Variants in SPON1 observed in about 807,000 individuals in gnomAD.
The protein encoded by SPON1 is spondin 1, also known as spondin-1.
In SPON1, 52 loss-of-function variants were observed where a neutral mutation model predicts 111.7. The ratio of observed to expected loss-of-function variants is 0.47; its 90% CI spans 0.37 to 0.59. The LOEUF (loss-of-function observed/expected upper bound fraction) is 0.59, where lower values mean the gene tolerates loss of function less well. Ranked by LOEUF, SPON1 falls within the 20% of genes least tolerant of loss-of-function variation. SPON1 has a pLI of 0.00. For synonymous variants in SPON1, 410 were observed against 395.8 expected (o/e 1.04, Z -0.43); for missense variants, 957 against 1,068.5 (o/e 0.90, Z 1.46).
intron 2 of SPON1, among the ~76,000 whole-genome samples, chr11:13,983,809 T>A (rs1177292898): frequency 2.6e-5 from 4 of 152,140 alleles, no homozygotes; most frequent in African/African-American, 9.7e-5. Context: ...CATTTGCAAA[T>A]TAAGAAGAAA....
At chr11:14,205,744 A>G (rs1848510733) in intron 6 of SPON1, among the ~76,000 whole-genome samples, 1 of 152,174 alleles carries the variant, frequency 6.6e-6, no homozygotes, top group African/African-American at 2.4e-5. Context: ...TGTGGAGTTC[A>G]GAGGTTTCTA....
chr11:14,204,914 C>T (rs745495900), intron 6 of SPON1, among the ~76,000 whole-genome samples: 1 of 150,938 alleles, frequency 6.6e-6, no homozygotes, highest in Non-Finnish European at 1.5e-5. Context: ...GTCTTGATCT[C>T]CTGACCTCGT....
intron 6 of SPON1, among the ~76,000 whole-genome samples, chr11:14,237,355 C>T (rs1242346112): frequency 6.6e-6 from 1 of 152,194 alleles, no homozygotes; most frequent in East Asian, 1.9e-4. Flanking sequence ...AGCAAGGGCT[C>T]CTTGGAGAAA....
intron 6 of SPON1, among the ~76,000 whole-genome samples, chr11:14,199,432 C>G (rs1848437144): frequency 1.3e-5 from 2 of 151,898 alleles, no homozygotes; most frequent in African/African-American, 4.8e-5. Flanking sequence ...CTCTAAGTCC[C>G]AAAATATCCA....
At chr11:14,123,227 C>A (rs782650601) in intron 5 of SPON1, among the ~76,000 whole-genome samples, 1 of 152,162 alleles carries the variant, frequency 6.6e-6, no homozygotes, top group Non-Finnish European at 1.5e-5. Context: ...GCACCATGCC[C>A]AGCCATGTCT....
intron 2 of SPON1, among the ~76,000 whole-genome samples, chr11:14,010,970 G>A (rs1591349890): frequency 6.6e-6 from 1 of 152,234 alleles, no homozygotes; most frequent in Admixed American, 6.5e-5. Context: ...TTAGGAAATT[G>A]TGATGCTCCT....
rs1554942496 is a variant in SPON1 at position 14,266,347 on chromosome 11, G to C, written c.*660G>C. On this transcript the variant is annotated 3_prime_UTR_variant, in exon 16 of 16. Coordinates refer to ENST00000576479, the MANE Select transcript of SPON1 (RefSeq NM_006108.4). Reference sequence around the variant, plus strand: ...AAAAATAAATAAATAAATTATGGCTGCTTTATTTAAATATAAGGTAGCTAG... The same window carrying C: ...AAAAATAAATAAATAAATTATGGCTCCTTTATTTAAATATAAGGTAGCTAG... 6.6e-6 allele frequency: 1 copy of C among 151,862 alleles called. No homozygotes were observed. The highest frequency in any genetic ancestry group is 2.4e-5 in the African/African-American group (1 of 41,336). The allele number at this position is 151,862 out of a possible 1,614,324, so 9.4% of individuals were successfully genotyped here. A position where few individuals can be genotyped will look rare whatever the true frequency, so the allele number is the denominator to read the frequency against.
chr11:14,008,168 A>G (rs1554913364), intron 2 of SPON1, among the ~76,000 whole-genome samples: 2 of 152,208 alleles, frequency 1.3e-5, no homozygotes, highest in Admixed American at 1.3e-4. Flanking sequence ...CAGTATAACA[A>G]CTATTTACAA....
At chr11:14,100,614 G>T (rs1269396452) in intron 5 of SPON1, among the ~76,000 whole-genome samples, 1 of 151,814 alleles carries the variant, frequency 6.6e-6, no homozygotes. Flanking sequence ...CACACTTTAT[G>T]TTGGTTATTT....
At chr11:13,969,558 A>C (rs114980004) in intron 1 of SPON1, among the ~76,000 whole-genome samples, 288 of 152,336 alleles carry the variant, frequency 1.9e-3, no homozygotes, top group African/African-American at 6.5e-3. Context: ...GAAGAGAAAA[A>C]GAAAAATGAA....
intron 6 of SPON1, among the ~76,000 whole-genome samples, chr11:14,191,983 C>T (rs1406420727): frequency 6.6e-6 from 1 of 152,128 alleles, no homozygotes; most frequent in African/African-American, 2.4e-5. Flanking sequence ...GTATTTTGCC[C>T]TTATCAGTTT....
intron 2 of SPON1, among the ~76,000 whole-genome samples, chr11:14,019,770 G>A (rs1333364779): frequency 6.6e-6 from 1 of 152,142 alleles, no homozygotes; most frequent in African/African-American, 2.4e-5. Flanking sequence ...TCCATAAAAT[G>A]GCTGTGCTAG....
intron 6 of SPON1, among the ~76,000 whole-genome samples, chr11:14,229,563 A>C (rs1269923619): frequency 1.3e-5 from 2 of 152,170 alleles, no homozygotes; most frequent in Admixed American, 1.3e-4. Flanking sequence ...GCCCTGACTG[A>C]TACCGTCTCA....
chr11:14,231,442 A>AT (rs1429746501), intron 6 of SPON1, among the ~76,000 whole-genome samples: 1 of 151,996 alleles, frequency 6.6e-6, no homozygotes, highest in East Asian at 1.9e-4. Context: ...CCCAGCCTCC[A>AT]TTTTTTTAAT....
intron 6 of SPON1, among the ~76,000 whole-genome samples, chr11:14,200,806 C>A (rs1338741197): frequency 3.6e-5 from 4 of 111,682 alleles, no homozygotes; most frequent in South Asian, 3.0e-4. Context: ...CAGAGCAAGA[C>A]CCTGTCTTAA....
chr11:14,071,575 C>T (rs1591367613), intron 3 of SPON1, among the ~76,000 whole-genome samples: 1 of 152,138 alleles, frequency 6.6e-6, no homozygotes, highest in Non-Finnish European at 1.5e-5. Flanking sequence ...AAACCCTGTT[C>T]CTTCTCCTAG....
chr11:14,160,439 A>ATATATTTATATATATG (rs1554930839), intron 6 of SPON1, among the ~76,000 whole-genome samples: 1 of 18,984 alleles, frequency 5.3e-5, no homozygotes, highest in African/African-American at 3.0e-4. Flanking sequence ...ATTTATATAT[A>ATATATTTATATATATG]TATTTATATA....
intron 5 of SPON1, among the ~76,000 whole-genome samples, chr11:14,109,075 T>C (rs1484337409): frequency 6.6e-6 from 1 of 152,154 alleles, no homozygotes; most frequent in African/African-American, 2.4e-5. Context: ...GCCTAAACCA[T>C]CACTTCTTTA....
chr11:14,205,610 T>C (rs1452164885), intron 6 of SPON1, among the ~76,000 whole-genome samples: 2 of 152,200 alleles, frequency 1.3e-5, no homozygotes, highest in Non-Finnish European at 2.9e-5. Context: ...AAAGAGATAT[T>C]GTATAGAGGT....
Sources: gnomAD v4.1 joint callset for allele counts (sites outside exome capture counted in the v4.1 genomes callset) on GRCh38, gnomAD v4.1.1 for gene constraint, MANE v1.5 for transcripts, NCBI Gene and HGNC (gene_info 2026-07-23, HGNC 2026-07-21) for gene names.